WNT9A: variants seen among roughly 807,000 people sequenced by gnomAD.
WNT9A encodes Wnt family member 9A.
Under a neutral mutation model 31.4 loss-of-function variants are expected in WNT9A, and 8 were observed. The observed-to-expected ratio is 0.26, with a 90% CI of 0.15 to 0.46. The LOEUF (loss-of-function observed/expected upper bound fraction) is 0.46. WNT9A is among the 20% of genes least tolerant of loss of function. The probability of loss-of-function intolerance (pLI) is 0.99; values close to 1 mark genes in which losing one functional copy is unlikely to be tolerated. For synonymous variants in WNT9A, 236 were observed against 220.1 expected, an observed-to-expected ratio of 1.07 and a Z score of -0.64; for missense variants, 457 against 522.9, an observed-to-expected ratio of 0.87 and a Z score of 1.23.
chr1:227,930,493 G>A lies in WNT9A; in HGVS notation c.96-4974C>T, dbSNP rs746305906. On this transcript the variant is annotated intron_variant, in intron 1 of 3. Transcript: ENST00000272164. ...GGAGGTGGGGGTTGCAGTGAGCCAC[G>A]GACACACCACCACACATCAGCCTGG... Among the ~76,000 whole-genome samples, 62 of 152,224 alleles carry A rather than the reference G, an allele frequency of 4.1e-4. 1 individual carries two copies. In the Middle Eastern group the frequency reaches 0.024, roughly 58 times the overall value.
At chr1:227,941,403 T>C (rs989372526) in intron 1 of WNT9A, among the ~76,000 whole-genome samples, 2 of 144,126 alleles carry the variant, frequency 1.4e-5, no homozygotes, top group Non-Finnish European at 3.0e-5. Context: ...CCAGGGAGAA[T>C]AGAATGCATC....
At chr1:227,946,307 G>A (rs1047171728) in intron 1 of WNT9A, among the ~76,000 whole-genome samples, 1 of 152,230 alleles carries the variant, frequency 6.6e-6, no homozygotes, top group Non-Finnish European at 1.5e-5. Context: ...TCCAGGAATC[G>A]GATCACAGCA....
At position 227,942,878 on chromosome 1, in the gene WNT9A, T is replaced by C. The variant is rs638877; in HGVS notation, c.95+4915A>G. On this transcript the variant is annotated intron_variant, in intron 1 of 3. Transcript: ENST00000272164. This position sits in a 1 kb window ranked among gnomAD's most constrained non-coding sequence, Gnocchi z 5.7. ...GCCCCAGCCATGGGGTCACCCCAGA[T>C]GCCGCCTTCTTGCCAGCTCCTTCCC... Among the ~76,000 whole-genome samples the C allele has an allele frequency of 0.47, 71,254 of 152,070 alleles. 17,240 individuals carry two copies. Among genetic ancestry groups the C allele is most frequent in the African/African-American group, 0.61 (25,312 of 41,492 alleles).
intron 1 of WNT9A, among the ~76,000 whole-genome samples, chr1:227,945,395 C>T (rs1191081174): frequency 2.6e-5 from 4 of 152,176 alleles, no homozygotes; most frequent in Non-Finnish European, 5.9e-5. Flanking sequence ...AGCCTCTTCC[C>T]CACAGGGGGT....
intron 1 of WNT9A, among the ~76,000 whole-genome samples, chr1:227,940,209 G>A (rs1430674999): frequency 6.6e-6 from 1 of 152,220 alleles, no homozygotes; most frequent in Non-Finnish European, 1.5e-5. Context: ...TGGGCTGACT[G>A]CCCTTTTCTG....
intron 3 of WNT9A, among the ~76,000 whole-genome samples, chr1:227,922,779 G>T (rs532919107): frequency 6.0e-4 from 91 of 152,320 alleles, no homozygotes; most frequent in African/African-American, 2.2e-3. Flanking sequence ...GCAAAGACAG[G>T]CCTGGTGGGG....
intron 3 of WNT9A, 70 bp downstream of exon 3, chr1:227,924,068 G>A (rs1197501786): frequency 1.7e-4 from 8 of 47,216 alleles, no homozygotes; most frequent in East Asian, 4.7e-4. Context: ...CCAGTCCCAC[G>A]CCCCACCCCC....
chr1:227,931,924 T>C (rs1400538352), intron 1 of WNT9A, among the ~76,000 whole-genome samples: 3 of 149,384 alleles, frequency 2.0e-5, no homozygotes, highest in Non-Finnish European at 4.4e-5. Context: ...GGTTTCACCA[T>C]GTTGGCCAGG....
At position 227,942,752 on chromosome 1, in the gene WNT9A, G is replaced by A. The variant is rs1206017964; in HGVS notation, c.95+5041C>T. On this transcript the variant is annotated intron_variant, in intron 1 of 3. Coordinates refer to ENST00000272164, the MANE Select transcript of WNT9A (RefSeq NM_003395.4). This position sits in a 1 kb window ranked among gnomAD's most constrained non-coding sequence, Gnocchi z 5.7. ...CTTCCTGGGGTGTCCTAAGTTGTTGGAGGGGGTGGGTCTCCAGGACAGTGC... is the reference window on the plus strand; with the variant it reads ...CTTCCTGGGGTGTCCTAAGTTGTTGAAGGGGGTGGGTCTCCAGGACAGTGC... Among the ~76,000 whole-genome samples the A allele has an allele frequency of 6.6e-6, 1 of 152,164 alleles. No individual in the cohort carries two copies. Among genetic ancestry groups the A allele is most frequent in the Non-Finnish European group, 1.5e-5 (1 of 68,018 alleles).
chr1:227,933,939 C>T lies in WNT9A; in HGVS notation c.96-8420G>A, dbSNP rs575513236. On this transcript the variant is annotated intron_variant, in intron 1 of 3. Coordinates refer to ENST00000272164, the MANE Select transcript of WNT9A (RefSeq NM_003395.4). Reference sequence around the variant, plus strand: ...TATCCTGGATATTTAAGTGGAATCACGCAGCATTGACCTTTTGTGGCTGTC... The same window carrying T: ...TATCCTGGATATTTAAGTGGAATCATGCAGCATTGACCTTTTGTGGCTGTC... 3.7e-4 allele frequency among the ~76,000 whole-genome samples: 57 copies of T among 152,346 alleles called. 1 individual carries two copies. In the South Asian group the frequency reaches 0.01, roughly 28 times the overall value.
intron 1 of WNT9A, among the ~76,000 whole-genome samples, chr1:227,945,241 C>T (rs1666776150): frequency 2.0e-5 from 3 of 152,194 alleles, no homozygotes; most frequent in Admixed American, 2.0e-4. Context: ...CTCCCTATGA[C>T]CTCGGGCTGG....
chr1:227,929,902 C>A (rs1369069389), intron 1 of WNT9A, among the ~76,000 whole-genome samples: 1 of 152,224 alleles, frequency 6.6e-6, no homozygotes, highest in Non-Finnish European at 1.5e-5. Context: ...AAGGAAGTGA[C>A]CTCACCAGAC....
At chr1:227,924,523 G>A in intron 2 of WNT9A, 123 bp from the exon 3 acceptor site, 4 of 1,386,916 alleles carry the variant, frequency 2.9e-6, no homozygotes, top group African/African-American at 1.4e-5. Context: ...CTTTCCTGGT[G>A]CTGCACTCGG....
intron 1 of WNT9A, among the ~76,000 whole-genome samples, chr1:227,946,702 G>T (rs1184680506): frequency 6.6e-6 from 1 of 152,260 alleles, no homozygotes; most frequent in African/African-American, 2.4e-5. Context: ...TTGAGAACAG[G>T]ATACACCTGC....
intron 1 of WNT9A, among the ~76,000 whole-genome samples, chr1:227,935,297 A>G (rs1429121112): frequency 6.6e-6 from 1 of 152,006 alleles, no homozygotes; most frequent in African/African-American, 2.4e-5. Context: ...CAGTTCACAT[A>G]CAGAGCTTGA....
At chr1:227,941,002 C>T (rs187878115) in intron 1 of WNT9A, among the ~76,000 whole-genome samples, 6 of 152,396 alleles carry the variant, frequency 3.9e-5, no homozygotes, top group African/African-American at 1.2e-4. Context: ...AAACCAGGGT[C>T]ACGTCCCCGC....
intron 1 of WNT9A, among the ~76,000 whole-genome samples, chr1:227,931,140 G>A (rs1441148508): frequency 6.6e-6 from 1 of 152,044 alleles, no homozygotes; most frequent in Non-Finnish European, 1.5e-5. Flanking sequence ...AGGCTGGAGT[G>A]CAGTGGCACA....
intron 1 of WNT9A, among the ~76,000 whole-genome samples, chr1:227,927,954 G>A (rs1377010145): frequency 1.3e-5 from 2 of 151,546 alleles, no homozygotes; most frequent in Middle Eastern, 3.4e-3. Context: ...GGGATGAGGG[G>A]ACAAGGGGAG....
intron 1 of WNT9A, among the ~76,000 whole-genome samples, chr1:227,937,866 T>G (rs1332966329): frequency 3.9e-5 from 6 of 152,220 alleles, no homozygotes. Context: ...GATCTCGTTA[T>G]GTGCACACCA....
Sources: allele counts gnomAD v4.1 joint callset (sites outside exome capture counted in the v4.1 genomes callset), GRCh38; gene constraint gnomAD v4.1.1; non-coding constraint Gnocchi (gnomAD v3.1); transcripts MANE v1.5; gene names NCBI Gene and HGNC (gene_info 2026-07-23, HGNC 2026-07-21).